Variants in KCNIP1 observed in about 807,000 individuals in gnomAD.
KCNIP1 encodes potassium voltage-gated channel interacting protein 1, also known as A-type potassium channel modulatory protein KCNIP1.
KCNIP1 carries 18 observed loss-of-function variants against 33.0 expected under a neutral mutation model. That is an observed-to-expected ratio of 0.55 (90% CI 0.38 to 0.81). The LOEUF (loss-of-function observed/expected upper bound fraction) is 0.81. Among genes scored for constraint, KCNIP1 ranks in the 30% least tolerant of loss-of-function variants. The pLI is 0.00. For missense variants in KCNIP1, 238 were observed against 271.6 expected (o/e 0.88, Z 0.87); for synonymous variants, 93 against 98.3 (o/e 0.95, Z 0.32).
chr5:170,431,098 C>T (rs1755729134), intron 1 of KCNIP1, among the ~76,000 whole-genome samples: 1 of 152,234 alleles, frequency 6.6e-6, no homozygotes, highest in South Asian at 2.1e-4. Flanking sequence ...GCCTCTGAGG[C>T]AGAGAAACAG....
chr5:170,689,725 AG>A (rs1156947223), intron 1 of KCNIP1, among the ~76,000 whole-genome samples: 1 of 152,204 alleles, frequency 6.6e-6, no homozygotes, highest in African/African-American at 2.4e-5. Flanking sequence ...AGGAGAGAAA[AG>A]CATGTTCAGG....
At chr5:170,370,795 G>A (rs1338245758) in intron 1 of KCNIP1, among the ~76,000 whole-genome samples, 1 of 152,300 alleles carries the variant, frequency 6.6e-6, no homozygotes, top group African/African-American at 2.4e-5. Context: ...TCAAACCAGC[G>A]GGGTTCTGGC....
chr5:170,501,133 G>A (rs34291047), upstream of KCNIP1, among the ~76,000 whole-genome samples: 129 of 152,302 alleles, frequency 8.5e-4, no homozygotes, highest in Middle Eastern at 0.02. Flanking sequence ...GAGAAACAAA[G>A]TAAGGAGTGC....
chr5:170,644,290 G>C (rs934312821), intron 1 of KCNIP1, among the ~76,000 whole-genome samples: 1 of 152,262 alleles, frequency 6.6e-6, no homozygotes, highest in Non-Finnish European at 1.5e-5. Context: ...TGCCCTCATA[G>C]AGTGGCCTGA....
chr5:170,460,566 A>G (rs1182710687), intron 1 of KCNIP1, among the ~76,000 whole-genome samples: 2 of 152,250 alleles, frequency 1.3e-5, no homozygotes, highest in Non-Finnish European at 2.9e-5. Flanking sequence ...GATACACCAC[A>G]TAAACATAAT....
At chr5:170,475,238 C>A (rs1480223227) in intron 1 of KCNIP1, among the ~76,000 whole-genome samples, 1 of 152,262 alleles carries the variant, frequency 6.6e-6, no homozygotes, top group African/African-American at 2.4e-5. Flanking sequence ...CAGCTGGCTT[C>A]ACCTCTCAGT....
intron 1 of KCNIP1, among the ~76,000 whole-genome samples, chr5:170,565,479 A>G (rs953331370): frequency 6.6e-6 from 1 of 152,194 alleles, no homozygotes; most frequent in Non-Finnish European, 1.5e-5. Flanking sequence ...GGCCAGGGAA[A>G]GGGCAGATCT....
intron 1 of KCNIP1, among the ~76,000 whole-genome samples, chr5:170,705,944 C>T (rs1763244263): frequency 1.3e-5 from 2 of 152,184 alleles, no homozygotes; most frequent in African/African-American, 4.8e-5. Flanking sequence ...CATACCTTAT[C>T]TCACTTAGAT....
chr5:170,632,832 T>C (rs1380543940), intron 1 of KCNIP1, among the ~76,000 whole-genome samples: 2 of 152,154 alleles, frequency 1.3e-5, no homozygotes, highest in African/African-American at 4.8e-5. Flanking sequence ...TCTTCATCTG[T>C]AAGTGGGAAC....
At chr5:170,535,546 A>G (rs1228468347) in intron 1 of KCNIP1, among the ~76,000 whole-genome samples, 2 of 152,156 alleles carry the variant, frequency 1.3e-5, no homozygotes, top group Non-Finnish European at 1.5e-5. Context: ...GACCACCCTC[A>G]GAGGCTCCCT....
At chr5:170,359,433 A>G (rs1282078728) in intron 1 of KCNIP1, among the ~76,000 whole-genome samples, 1 of 152,144 alleles carries the variant, frequency 6.6e-6, no homozygotes, top group East Asian at 1.9e-4. Flanking sequence ...CTGTCCCATG[A>G]AAAGCTAAGC....
At chr5:170,725,160 A>T (rs1763966848) in intron 5 of KCNIP1, among the ~76,000 whole-genome samples, 1 of 152,214 alleles carries the variant, frequency 6.6e-6, no homozygotes, top group African/African-American at 2.4e-5. Flanking sequence ...ATGATCCAAC[A>T]ATCCCACTGC....
chr5:170,415,663 G>A (rs1441492981), intron 1 of KCNIP1, among the ~76,000 whole-genome samples: 1 of 152,200 alleles, frequency 6.6e-6, no homozygotes, highest in African/African-American at 2.4e-5. Flanking sequence ...TCTCCAAGGA[G>A]CTCTCTGATC....
rs1581391223 is a variant in KCNIP1, at chr5:170,607,179, G to T, written c.61+102546G>T. ...AAGGGTGTGGCTCTGGGATCAGCCT[G>T]CCCTGGTTCGGATCTACTTAATTGT... On this transcript the variant is annotated intron_variant, in intron 1 of 7. Coordinates refer to ENST00000328939, the MANE Select transcript of KCNIP1 (RefSeq NM_014592.4). 2.6e-5 allele frequency among the ~76,000 whole-genome samples: 4 copies of T among 152,318 alleles called. No homozygotes were observed. The South Asian group carries it at 6.2e-4, about 24-fold the overall frequency.
chr5:170,582,021 A>G (rs913672544), intron 1 of KCNIP1, among the ~76,000 whole-genome samples: 2 of 152,174 alleles, frequency 1.3e-5, no homozygotes, highest in African/African-American at 4.8e-5. Context: ...ATAGAGTGAG[A>G]ACTCACTTCT....
chr5:170,548,573 G>A (rs1488910844), intron 1 of KCNIP1, among the ~76,000 whole-genome samples: 2 of 152,146 alleles, frequency 1.3e-5, no homozygotes, highest in Non-Finnish European at 2.9e-5. Context: ...CTCACATATG[G>A]TTACAAATTC....
intron 1 of KCNIP1, chr5:170,383,463 C>T: frequency 3.2e-6 from 2 of 624,382 alleles, no homozygotes; most frequent in South Asian, 1.9e-5. Flanking sequence ...GGCTAAGTGG[C>T]CTGCCTATGT....
chr5:170,471,215 T>C (rs1199532975), intron 1 of KCNIP1, among the ~76,000 whole-genome samples: 3 of 152,202 alleles, frequency 2.0e-5, no homozygotes, highest in African/African-American at 7.2e-5. Flanking sequence ...GCCCCCTATC[T>C]TGAACTATCG....
At chr5:170,681,386 G>A (rs1762341188) in intron 1 of KCNIP1, 2 of 355,662 alleles carry the variant, frequency 5.6e-6, no homozygotes, top group East Asian at 4.1e-5. Flanking sequence ...TGGTGCGCCT[G>A]GGGAGTGCGG....
Sources: gnomAD v4.1 joint callset for allele counts (sites outside exome capture counted in the v4.1 genomes callset) on GRCh38, gnomAD v4.1.1 for gene constraint, MANE v1.5 for transcripts, NCBI Gene and HGNC (gene_info 2026-07-23, HGNC 2026-07-21) for gene names.